IPO11: variants seen among roughly 807,000 people sequenced by gnomAD.
IPO11 encodes importin 11.
In IPO11, 66 loss-of-function variants were observed where a neutral mutation model predicts 143.2. The ratio of observed to expected loss-of-function variants is 0.46; its 90% CI spans 0.38 to 0.57. The LOEUF (loss-of-function observed/expected upper bound fraction) is 0.57. IPO11 is among the 20% of genes least tolerant of loss of function. The pLI, the probability that IPO11 is intolerant of heterozygous loss-of-function variation, is 0.00. For missense variants in IPO11, 1,026 were observed against 1,141.0 expected, an observed-to-expected ratio of 0.90 and a Z score of 1.45; for synonymous variants, 385 against 377.8, an observed-to-expected ratio of 1.02 and a Z score of -0.22.
intron 29 of IPO11, among the ~76,000 whole-genome samples, chr5:62,604,984 A>G (rs1268782970): frequency 6.6e-6 from 1 of 152,210 alleles, no homozygotes. Flanking sequence ...CTATAACGTT[A>G]GACATTTTTT....
At chr5:62,605,759 A>G (rs1304720468) in intron 29 of IPO11, among the ~76,000 whole-genome samples, 5 of 145,864 alleles carry the variant, frequency 3.4e-5, no homozygotes, top group African/African-American at 4.9e-5. Flanking sequence ...CTTTTTTGGG[A>G]TAGTCTTGCT....
At chr5:62,579,727 C>G (rs778356445) in intron 27 of IPO11, 1 of 1,547,942 alleles carries the variant, frequency 6.5e-7, no homozygotes, top group African/African-American at 1.4e-5. Context: ...TTCTAACATT[C>G]TGTATGTATA....
chr5:62,504,974 G>T (rs1741500135), intron 18 of IPO11, 76 bp downstream of exon 18: 3 of 778,144 alleles, frequency 3.9e-6, no homozygotes, highest in East Asian at 2.8e-5. Context: ...TTTTATACAT[G>T]AAATTATCTA....
At chr5:62,541,746 A>G (rs1742953162) in intron 24 of IPO11, among the ~76,000 whole-genome samples, 1 of 152,158 alleles carries the variant, frequency 6.6e-6, no homozygotes, top group African/African-American at 2.4e-5. Flanking sequence ...GAATAACACA[A>G]TCTTTTTAAA....
At chr5:62,492,790 A>G (rs777736715) in intron 15 of IPO11, among the ~76,000 whole-genome samples, 9 of 152,046 alleles carry the variant, frequency 5.9e-5, no homozygotes, top group Non-Finnish European at 1.0e-4. Context: ...TGCCCACCTC[A>G]GCCTCCCAAA....
At chr5:62,426,457 C>G (rs1257630664) in intron 1 of IPO11, among the ~76,000 whole-genome samples, 1 of 152,148 alleles carries the variant, frequency 6.6e-6, no homozygotes, top group Non-Finnish European at 1.5e-5. Flanking sequence ...TAAACTTCCT[C>G]TCCTGAAATT....
At chr5:62,616,383 A>G (rs1036322245) in intron 29 of IPO11, among the ~76,000 whole-genome samples, 1 of 152,156 alleles carries the variant, frequency 6.6e-6, no homozygotes, top group Non-Finnish European at 1.5e-5. Flanking sequence ...TTCCTCAATA[A>G]ATCAAAATAT....
intron 5 of IPO11, among the ~76,000 whole-genome samples, chr5:62,458,304 C>CT (rs1438225651): frequency 4.6e-5 from 7 of 151,738 alleles, no homozygotes; most frequent in Non-Finnish European, 1.5e-5. Flanking sequence ...TTTATAGTGG[C>CT]TTTTTTTCCC....
chr5:62,450,275 T>G (rs1053114475), intron 4 of IPO11, among the ~76,000 whole-genome samples: 17 of 152,344 alleles, frequency 1.1e-4, no homozygotes, highest in African/African-American at 3.6e-4. Flanking sequence ...AGCAAATCTC[T>G]CTATATAGTC....
At chr5:62,462,187 T>C (rs1392804329) in intron 5 of IPO11, among the ~76,000 whole-genome samples, 1 of 152,196 alleles carries the variant, frequency 6.6e-6, no homozygotes, top group East Asian at 1.9e-4. Flanking sequence ...TACTGAACTT[T>C]CTAACACATT....
intron 1 of IPO11, among the ~76,000 whole-genome samples, chr5:62,414,565 C>T (rs1331418170): frequency 6.6e-6 from 1 of 152,070 alleles, no homozygotes; most frequent in Non-Finnish European, 1.5e-5. Context: ...GGTTTGCTGA[C>T]TATCAGACTT....
intron 20 of IPO11, among the ~76,000 whole-genome samples, chr5:62,523,277 A>G (rs1458735583): frequency 3.3e-5 from 5 of 152,054 alleles, no homozygotes; most frequent in African/African-American, 1.2e-4. Flanking sequence ...ATGTATTGAA[A>G]CTGTTCCTCT....
At chr5:62,567,153 T>C (rs2112376780) in intron 27 of IPO11, among the ~76,000 whole-genome samples, 1 of 152,358 alleles carries the variant, frequency 6.6e-6, no homozygotes, top group East Asian at 1.9e-4. Flanking sequence ...AGAAAGTCTC[T>C]ATCTCTCCTG....
chr5:62,509,606 C>A (rs889696454), intron 19 of IPO11, among the ~76,000 whole-genome samples: 1 of 152,150 alleles, frequency 6.6e-6, no homozygotes, highest in African/African-American at 2.4e-5. Flanking sequence ...AAAGCTTATT[C>A]ATCTTGTTTA....
At chr5:62,572,967 T>TA (rs1744189927) in intron 27 of IPO11, among the ~76,000 whole-genome samples, 1 of 152,314 alleles carries the variant, frequency 6.6e-6, no homozygotes, top group Admixed American at 6.5e-5. Context: ...TTCCGTTTGT[T>TA]ACGAAAAACC....
At chr5:62,553,099 C>T (rs1743445652) in intron 26 of IPO11, among the ~76,000 whole-genome samples, 1 of 152,102 alleles carries the variant, frequency 6.6e-6, no homozygotes, top group Non-Finnish European at 1.5e-5. Flanking sequence ...CAATATCTCT[C>T]TCTCTCCTCA....
chr5:62,571,474 T>C (rs536415649), intron 27 of IPO11, among the ~76,000 whole-genome samples: 1 of 152,368 alleles, frequency 6.6e-6, no homozygotes, highest in East Asian at 1.9e-4. Context: ...TTGTTTCTAC[T>C]GTTAAATCAA....
At chr5:62,477,286 A>G (rs1327111155) in intron 9 of IPO11, among the ~76,000 whole-genome samples, 1 of 152,214 alleles carries the variant, frequency 6.6e-6, no homozygotes, top group Non-Finnish European at 1.5e-5. Context: ...TAATTGGGTT[A>G]CAGCAGTTAG....
chr5:62,480,554 G>T (rs191626166), intron 9 of IPO11, among the ~76,000 whole-genome samples: 1 of 152,178 alleles, frequency 6.6e-6, no homozygotes, highest in African/African-American at 2.4e-5. Context: ...TCACGATATT[G>T]ATTCTTCCTA....
Sources: gnomAD v4.1 joint callset for allele counts (sites outside exome capture counted in the v4.1 genomes callset) on GRCh38, gnomAD v4.1.1 for gene constraint, MANE v1.5 for transcripts, NCBI Gene and HGNC (gene_info 2026-07-23, HGNC 2026-07-21) for gene names.